Variants in HSPH1 observed in about 807,000 individuals in gnomAD.
HSPH1 encodes the protein heat shock protein 105 kDa.
HSPH1 carries 40 observed loss-of-function variants against 100.0 expected under a neutral mutation model. The observed-to-expected ratio is 0.40, with a 90% CI of 0.31 to 0.52. HSPH1 has a LOEUF of 0.52. HSPH1 is among the 20% of genes least tolerant of loss of function. The pLI is 0.54. For missense variants in HSPH1, 876 were observed against 1,015.1 expected (o/e 0.86, Z 1.86); for synonymous variants, 403 against 344.0 (o/e 1.17, Z -1.90).
At chr13:31,145,223 A>T (rs2137569701) in intron 11 of HSPH1, among the ~76,000 whole-genome samples, 1 of 152,286 alleles carries the variant, frequency 6.6e-6, no homozygotes, top group South Asian at 2.1e-4. Context: ...TTTTTGTAGC[A>T]GTCTGTTTTT....
At chr13:31,149,867 GTC>G (rs1303897961) in intron 8 of HSPH1, 85 bp downstream of exon 8, 39 of 1,029,398 alleles carry the variant, frequency 3.8e-5, no homozygotes, top group East Asian at 9.6e-5. Context: ...CTAGACACAG[GTC>G]TCTGTTTATT....
At position 31,138,571 on chromosome 13, in the gene HSPH1, G is replaced by T; in HGVS notation, c.2209-3C>A. On this transcript the variant is annotated splice_polypyrimidine_tract_variant and splice_region_variant and intron_variant, in intron 16 of 17. Coordinates refer to ENST00000320027, the MANE Select transcript of HSPH1 (RefSeq NM_006644.4). ...TCAATATGGTTGTATTTCTCATCCT[G>T]AACAAAAATAACACGGTCATTCTGT... 1 of 1,600,574 alleles carries T rather than the reference G, an allele frequency of 6.2e-7. No individual in the cohort carries two copies. The highest frequency in any genetic ancestry group is 8.5e-7 in the Non-Finnish European group (1 of 1,174,762).
intron 10 of HSPH1, among the ~76,000 whole-genome samples, chr13:31,147,285 G>C (rs1375629567): frequency 6.6e-6 from 1 of 152,114 alleles, no homozygotes; most frequent in Non-Finnish European, 1.5e-5. Flanking sequence ...CTCTGGGTCA[G>C]AACATTTTAG....
At position 31,138,556 on chromosome 13, in the gene HSPH1, T is replaced by G; in HGVS notation, c.2221A>C (p.Asn741His). Residue 741 changes from asparagine to histidine, a missense_variant, in exon 17 of 18, where the codon AAC (asparagine) becomes CAC (histidine). Transcript: ENST00000320027. ...ADFRNKDEKY[N>H]HIDESEMKKV... ...TTCATTTCAGACTCATCAATATGGT[T>G]GTATTTCTCATCCTGAACAAAAATA... 1 of 1,608,506 alleles carries G rather than the reference T, an allele frequency of 6.2e-7. No homozygotes were observed. Among genetic ancestry groups the G allele is most frequent in the East Asian group, 2.2e-5 (1 of 44,822 alleles).
Position 31,148,006 on chromosome 13 carries a change from G to C in HSPH1, c.1331C>G (p.Ala444Gly), listed in dbSNP as rs1593194506. The change falls in exon 10 of 18, where the codon GCT (alanine) becomes GGT (glycine). Residue 444 changes from alanine to glycine, a missense_variant. Physicochemically the swap from Ala to Gly is moderately conservative, Grantham distance 60. Coordinates refer to ENST00000320027, the MANE Select transcript of HSPH1 (RefSeq NM_006644.4). ...AACTCCTTGGGGATCAGAATAGAAA[G>C]CTTCTAGCTCAAAAGGCCCCCTTCT... is the stretch of plus-strand genomic sequence containing the variant. ...FLRRGPFELE[A>G]FYSDPQGVPY... 7 of 1,610,060 alleles carry C rather than the reference G, an allele frequency of 4.3e-6. No homozygotes were observed. The East Asian group carries it at 1.6e-4, about 36-fold the overall frequency.
At chr13:31,140,097 A>G in intron 14 of HSPH1, 87 bp downstream of exon 14, 2 of 1,267,932 alleles carry the variant, frequency 1.6e-6, no homozygotes, top group Admixed American at 2.3e-5. Flanking sequence ...TACATAATTG[A>G]GTAAAAGCTT....
At chr13:31,142,838 C>T (rs1434884644) in intron 12 of HSPH1, among the ~76,000 whole-genome samples, 1 of 152,080 alleles carries the variant, frequency 6.6e-6, no homozygotes, top group African/African-American at 2.4e-5. Context: ...AAGGAGTGTG[C>T]TGTTGAAACT....
intron 4 of HSPH1, chr13:31,153,991 T>C (rs1182787048): frequency 6.6e-6 from 1 of 152,584 alleles, no homozygotes; most frequent in African/African-American, 2.4e-5. Context: ...TAAAGGCTTG[T>C]TGCTGACTGA....
At chr13:31,155,056 T>C (rs910806390) in intron 3 of HSPH1, among the ~76,000 whole-genome samples, 19 of 152,144 alleles carry the variant, frequency 1.2e-4, no homozygotes, top group African/African-American at 4.6e-4. Context: ...TTAAAGAAGG[T>C]AGTAAATTTC....
intron 11 of HSPH1, among the ~76,000 whole-genome samples, chr13:31,144,761 A>T (rs1027030503): frequency 6.6e-6 from 1 of 152,184 alleles, no homozygotes; most frequent in Non-Finnish European, 1.5e-5. Context: ...TCCAAAAGGT[A>T]CTAAAGAGAT....
chr13:31,161,466 T>C lies in HSPH1; in HGVS notation c.107+10A>G. ...CCTCCTCCCATCCACCCTCGCAGAC[T>C]CCCACTTACGGGGTGCACCGGTCGC... On this transcript the variant is annotated intron_variant, in intron 1 of 17. Transcript: ENST00000320027. 1 of 1,613,760 alleles carries C rather than the reference T, an allele frequency of 6.2e-7. No individual in the cohort carries two copies. Among genetic ancestry groups the C allele is most frequent in the Non-Finnish European group, 8.5e-7 (1 of 1,179,840 alleles).
At position 31,153,088 on chromosome 13, in the gene HSPH1, G is replaced by A. The variant is rs1956546567; in HGVS notation, c.430-137C>T. 1.9e-5 allele frequency: 11 copies of A among 594,154 alleles called. No homozygotes were observed. The East Asian group carries it at 3.4e-4, about 18-fold the overall frequency. The allele number at this position is 594,154 out of a possible 1,614,324, so 36.8% of individuals were successfully genotyped here. On this transcript the variant is annotated intron_variant, in intron 4 of 17. Coordinates refer to ENST00000320027, the MANE Select transcript of HSPH1 (RefSeq NM_006644.4). The stretch of plus-strand genomic sequence containing the variant: ...GTCACAAAACAGAAATAGGGCTTTA[G>A]TTTTCTGCAAGCTCCTTAACCTTCA...
intron 12 of HSPH1, 81 bp from the exon 13 acceptor site, chr13:31,141,340 T>G: frequency 8.4e-7 from 1 of 1,184,910 alleles, no homozygotes. Flanking sequence ...TCATACTTAC[T>G]GATGACTTGG....
chr13:31,143,721 A>C (rs2137561442), intron 12 of HSPH1, 71 bp downstream of exon 12: 1 of 1,282,434 alleles, frequency 7.8e-7, no homozygotes. Flanking sequence ...TTGAAACTGC[A>C]ATTTAATGAT....
At chr13:31,138,384 A>G (rs2137531762) in intron 17 of HSPH1, 23 bp downstream of exon 17, 1 of 1,608,938 alleles carries the variant, frequency 6.2e-7, no homozygotes, top group Admixed American at 1.7e-5. Flanking sequence ...ACCCAGCAGT[A>G]AACACGAGAC....
At chr13:31,139,455 C>T (rs1227880483) in intron 14 of HSPH1, among the ~76,000 whole-genome samples, 1 of 151,996 alleles carries the variant, frequency 6.6e-6, no homozygotes, top group Non-Finnish European at 1.5e-5. Context: ...AAAAATCATT[C>T]CTAACCGGTT....
Position 31,152,846 on chromosome 13 carries a change from C to T in HSPH1, c.529+6G>A. 1 of 1,591,816 alleles carries T rather than the reference C, an allele frequency of 6.3e-7. No individual in the cohort carries two copies. The highest frequency in any genetic ancestry group is 8.6e-7 in the Non-Finnish European group (1 of 1,160,090). ...ATTCACTTCCACACAAATGCCTTTT[C>T]CTTACCAGCTGTCATGTCATTCATA... On this transcript the variant is annotated splice_donor_region_variant and intron_variant, in intron 5 of 17. Coordinates refer to ENST00000320027, the MANE Select transcript of HSPH1 (RefSeq NM_006644.4).
intron 11 of HSPH1, 124 bp from the exon 12 acceptor site, chr13:31,144,047 G>C: frequency 2.5e-6 from 2 of 787,446 alleles, no homozygotes; most frequent in Non-Finnish European, 3.6e-6. Context: ...GGGAGAAAAG[G>C]TACTGGATAA....
At chr13:31,152,587 T>C (rs570421958) in intron 5 of HSPH1, 88 of 247,506 alleles carry the variant, frequency 3.6e-4, no homozygotes, top group Middle Eastern at 1.4e-3. Context: ...ATAAATGCAA[T>C]GTAAGGAAAC....
Sources: gnomAD v4.1 joint callset for allele counts (sites outside exome capture counted in the v4.1 genomes callset) on GRCh38, gnomAD v4.1.1 for gene constraint, MANE v1.5 for transcripts, NCBI Gene and HGNC (gene_info 2026-07-23, HGNC 2026-07-21) for gene names.